HUWE1: variants seen among roughly 807,000 people sequenced by gnomAD.
HUWE1 encodes HECT, UBA and WWE domain containing E3 ubiquitin protein ligase 1, also known as E3 ubiquitin-protein ligase HUWE1.
Under a neutral mutation model 299.4 loss-of-function variants are expected in HUWE1, and 18 were observed. The observed-to-expected ratio is 0.06, with a 90% CI of 0.04 to 0.09. HUWE1 has a LOEUF of 0.09. Among genes scored for constraint, HUWE1 ranks in the 10% least tolerant of loss-of-function variants. HUWE1 has a pLI of 1.00. For missense variants in HUWE1, 1,832 were observed against 3,462.3 expected (o/e 0.53, Z 11.82); for synonymous variants, 1,317 against 1,286.1 (o/e 1.02, Z -0.51).
rs782753934 is a variant in HUWE1 at position 53,549,229 on chromosome X, C to A, written c.9765G>T (p.Ser3255=). Residue 3255 remains serine, a synonymous_variant, in exon 67 of 84, where the codon TCG becomes TCT. Transcript: ENST00000262854. The stretch of plus-strand genomic sequence containing the variant: ...GGCTACTTGACCCACAGCTCTTGCT[C>A]GACTTTTTGCCCTTTTCCTCACTTG... ...LTTSEEKGKK[S]SKSCGSSSHE... 8.3e-7 allele frequency: 1 copy of A among 1,210,399 alleles called. No individual in the cohort carries two copies. Among genetic ancestry groups the A allele is most frequent in the Non-Finnish European group, 1.1e-6 (1 of 895,373 alleles).
chrX:53,560,103 T>C, intron 56 of HUWE1, 85 bp downstream of exon 56: 1 of 787,666 alleles, frequency 1.3e-6, no homozygotes, highest in Non-Finnish European at 1.9e-6. Context: ...TGATGGACTA[T>C]TTCCCCCAAG....
chrX:53,591,662 A>G (rs1653998724), intron 33 of HUWE1, among the ~76,000 whole-genome samples: 1 of 112,604 alleles, frequency 8.9e-6, no homozygotes, highest in African/African-American at 3.2e-5. Flanking sequence ...ACAGCAATAC[A>G]AGTATATGTA....
chrX:53,598,748 G>C (rs1172824654), intron 29 of HUWE1, among the ~76,000 whole-genome samples: 1 of 111,351 alleles, frequency 9.0e-6, no homozygotes, highest in African/African-American at 3.3e-5. Context: ...TGACTGTGTG[G>C]AGGAGTTGCC....
chrX:53,593,297 G>T, intron 32 of HUWE1, 67 bp downstream of exon 32: 1 of 795,751 alleles, frequency 1.3e-6, no homozygotes, highest in Non-Finnish European at 1.9e-6. Flanking sequence ...CATTAAGCAG[G>T]ACAAAATAGA....
chrX:53,682,666 G>C (rs1246216644), intron 2 of HUWE1, among the ~76,000 whole-genome samples: 1 of 110,724 alleles, frequency 9.0e-6, no homozygotes, highest in African/African-American at 3.3e-5. Flanking sequence ...GGGAGTGGGG[G>C]ATAGAAAGAT....
At chrX:53,678,595 T>C (rs1331967102) in intron 3 of HUWE1, among the ~76,000 whole-genome samples, 2 of 111,855 alleles carry the variant, frequency 1.8e-5, no homozygotes, top group African/African-American at 6.5e-5. Flanking sequence ...TAAGGTTGTG[T>C]ATAATAGCTG....
intron 79 of HUWE1, 31 bp downstream of exon 79, chrX:53,536,349 A>G (rs1556913085): frequency 1.7e-6 from 2 of 1,199,149 alleles, no homozygotes; most frequent in South Asian, 3.5e-5. Context: ...CCAGGACTGA[A>G]GACAGTCCCA....
At position 53,612,255 on chromosome X, in the gene HUWE1, A is replaced by T. The variant is rs1332220101; in HGVS notation, c.2261+2279T>A. ...CAAAAGTGAAAAAATGTATGTGTCA[A>T]CATCTGTGAGACTCCTGGATTATCC... On this transcript the variant is annotated intron_variant, in intron 23 of 83. Coordinates refer to ENST00000262854, the MANE Select transcript of HUWE1 (RefSeq NM_031407.7). 2.7e-5 allele frequency among the ~76,000 whole-genome samples: 3 copies of T among 112,106 alleles called. No individual in the cohort carries two copies. The Admixed American group carries it at 2.8e-4, about 11-fold the overall frequency.
intron 7 of HUWE1, among the ~76,000 whole-genome samples, chrX:53,642,031 T>G (rs2149207052): frequency 9.0e-6 from 1 of 111,504 alleles, no homozygotes; most frequent in South Asian, 3.8e-4. Flanking sequence ...ACACATTTTT[T>G]CCCTATACAT....
intron 37 of HUWE1, among the ~76,000 whole-genome samples, chrX:53,587,845 A>G (rs1457275962): frequency 8.9e-6 from 1 of 111,975 alleles, no homozygotes; most frequent in South Asian, 3.7e-4. Context: ...CCTAGTTCCT[A>G]CGTTGGTTGG....
chrX:53,668,027 T>C (rs1229457595), intron 3 of HUWE1, among the ~76,000 whole-genome samples: 1 of 111,554 alleles, frequency 9.0e-6, no homozygotes, highest in Non-Finnish European at 1.9e-5. Context: ...GATAGACTAC[T>C]GTCAAATACA....
intron 7 of HUWE1, 95 bp downstream of exon 7, chrX:53,645,216 G>T: frequency 1.1e-6 from 1 of 933,839 alleles, no homozygotes; most frequent in Non-Finnish European, 1.5e-6. Flanking sequence ...TTAACTTAGG[G>T]ATTCTAATAT....
chrX:53,635,358 G>C (rs782570532), intron 7 of HUWE1, among the ~76,000 whole-genome samples: 3 of 110,808 alleles, frequency 2.7e-5, no homozygotes, highest in African/African-American at 9.8e-5. Flanking sequence ...CTGTTGCCTA[G>C]GCTGGAGTGG....
At chrX:53,666,786 G>A (rs1557047756) in intron 3 of HUWE1, among the ~76,000 whole-genome samples, 1 of 111,785 alleles carries the variant, frequency 8.9e-6, no homozygotes, top group Non-Finnish European at 1.9e-5. Context: ...TATGCTTGCT[G>A]AGTTCTGCAA....
chrX:53,577,776 G>C lies in HUWE1; in HGVS notation c.5717-709C>G, dbSNP rs6638359. Among the ~76,000 whole-genome samples, 1,085 of 114,109 alleles carry C rather than the reference G, an allele frequency of 9.5e-3. 1 individual carries two copies. The highest frequency in any genetic ancestry group is 0.033 in the African/African-American group (1,038 of 31,220). On this transcript the variant is annotated intron_variant, in intron 43 of 83. Transcript: ENST00000262854. ...TAACCGCGAGTGATCCGCCAGCCTC[G>C]GCCTCCCGAGGCGCCGGGATTGCAG...
intron 74 of HUWE1, among the ~76,000 whole-genome samples, chrX:53,541,173 T>C (rs1357053925): frequency 2.7e-5 from 3 of 112,322 alleles, no homozygotes; most frequent in East Asian, 2.8e-4. Context: ...CTAACCACTA[T>C]ACATGTTTTA....
intron 43 of HUWE1, among the ~76,000 whole-genome samples, chrX:53,579,428 C>G (rs1286052001): frequency 8.9e-6 from 1 of 111,935 alleles, no homozygotes. Flanking sequence ...TGCCCGGCCA[C>G]GACCCCGTCT....
chrX:53,535,098 G>A (rs991456101), intron 81 of HUWE1, among the ~76,000 whole-genome samples: 1 of 110,749 alleles, frequency 9.0e-6, no homozygotes, highest in Non-Finnish European at 1.9e-5. Flanking sequence ...TGCCACACTT[G>A]GCTAATTTTT....
chrX:53,611,029 G>C lies in HUWE1; in HGVS notation c.2262-2120C>G, dbSNP rs1603080025. On this transcript the variant is annotated intron_variant, in intron 23 of 83. Coordinates refer to ENST00000262854, the MANE Select transcript of HUWE1 (RefSeq NM_031407.7). Reference sequence around the variant, plus strand: ...AAAGGGGGCAAAAGACAGGTATTTAGAACTACTTGTGGTGAGTGAGTCTGA... The same window carrying C: ...AAAGGGGGCAAAAGACAGGTATTTACAACTACTTGTGGTGAGTGAGTCTGA... Among the ~76,000 whole-genome samples, 5 of 110,185 alleles carry C rather than the reference G, an allele frequency of 4.5e-5. No homozygotes were observed. In the East Asian group the frequency reaches 1.4e-3, roughly 31 times the overall value.
Sources: allele counts gnomAD v4.1 joint callset (sites outside exome capture counted in the v4.1 genomes callset), GRCh38; gene constraint gnomAD v4.1.1; transcripts MANE v1.5; gene names NCBI Gene and HGNC (gene_info 2026-07-23, HGNC 2026-07-21).